PPP6R3: variants seen among roughly 807,000 people sequenced by gnomAD.
The protein encoded by PPP6R3 is protein phosphatase 6 regulatory subunit 3.
In PPP6R3, 38 loss-of-function variants were observed where a neutral mutation model predicts 110.7. That is an observed-to-expected ratio of 0.34 (90% CI 0.26 to 0.45). PPP6R3 has a LOEUF of 0.45. Ranked by LOEUF, PPP6R3 falls within the 20% of genes least tolerant of loss-of-function variation. PPP6R3 has a pLI of 1.00. For synonymous variants in PPP6R3, 369 were observed against 373.5 expected, an observed-to-expected ratio of 0.99 and a Z score of 0.14; for missense variants, 870 against 1,062.4, an observed-to-expected ratio of 0.82 and a Z score of 2.52.
At chr11:68,542,154 G>A (rs1366469027) in intron 3 of PPP6R3, among the ~76,000 whole-genome samples, 2 of 151,590 alleles carry the variant, frequency 1.3e-5, no homozygotes, top group African/African-American at 4.9e-5. Context: ...AGTGGGCGGG[G>A]GTGGGGGCAT....
In PPP6R3 at chr11:68,602,787, A is replaced by G. The variant is rs1228369110; in HGVS notation, c.2300-555A>G. 2.0e-5 allele frequency among the ~76,000 whole-genome samples: 3 copies of G among 152,190 alleles called. No individual in the cohort carries two copies. The East Asian group carries it at 5.8e-4, about 29-fold the overall frequency. ...TTTCCTGGATGAGGAAACTCAGGTT[A>G]TAGATGAGGTTCCTTGTCCAAGTAG... On this transcript the variant is annotated intron_variant, in intron 21 of 23. Coordinates refer to ENST00000393800, the MANE Select transcript of PPP6R3 (RefSeq NM_001164161.2).
At chr11:68,557,368 C>T (rs1055463334) in intron 7 of PPP6R3, among the ~76,000 whole-genome samples, 1 of 152,134 alleles carries the variant, frequency 6.6e-6, no homozygotes, top group Non-Finnish European at 1.5e-5. Flanking sequence ...TCCTGCCCTA[C>T]GTTGGCAAGA....
At chr11:68,590,903 T>C (rs1593736090) in intron 17 of PPP6R3, among the ~76,000 whole-genome samples, 189 bp downstream of exon 17, 1 of 152,148 alleles carries the variant, frequency 6.6e-6, no homozygotes, top group East Asian at 1.9e-4. Flanking sequence ...AGCCCTGGTT[T>C]ATGACTTGGT....
At chr11:68,583,178 GT>G (rs2099568157) in intron 15 of PPP6R3, 49 bp downstream of exon 15, 2 of 1,357,708 alleles carry the variant, frequency 1.5e-6, no homozygotes, top group Non-Finnish European at 2.0e-6. Context: ...TAAATGCTTA[GT>G]TTAGTTGCCT....
At chr11:68,568,133 A>G (rs796383943) in intron 10 of PPP6R3, among the ~76,000 whole-genome samples, 7 of 152,204 alleles carry the variant, frequency 4.6e-5, no homozygotes, top group African/African-American at 1.7e-4. Flanking sequence ...TTAAATCAGT[A>G]TAGAGCACAG....
chr11:68,472,738 A>G lies in PPP6R3; in HGVS notation c.-158+11911A>G, dbSNP rs368595034. 5.3e-5 allele frequency among the ~76,000 whole-genome samples: 8 copies of G among 152,288 alleles called. No individual in the cohort carries two copies. The East Asian group carries it at 1.2e-3, about 22-fold the overall frequency. ...CACAGAACTGTGCAGTTATCACCAC[A>G]ATCTAACTTTGTAACATTTTTGTCA... On this transcript the variant is annotated intron_variant, in intron 1 of 23. Coordinates refer to ENST00000393800, the MANE Select transcript of PPP6R3 (RefSeq NM_001164161.2).
At position 68,590,734 on chromosome 11, in the gene PPP6R3, T is replaced by A. The variant is rs749483708; in HGVS notation, c.1785+20T>A. On this transcript the variant is annotated intron_variant, in intron 17 of 23. Transcript: ENST00000393800. ...GAAAGTGTAAGTATAAACTCTGTTG[T>A]GAGCAGTGTGGCACATGAGAGGTTA... is the stretch of plus-strand genomic sequence containing the variant. 1.3e-6 allele frequency: 2 copies of A among 1,565,526 alleles called. No individual in the cohort carries two copies. Among genetic ancestry groups the A allele is most frequent in the African/African-American group, 2.7e-5 (2 of 74,464 alleles).
chr11:68,555,378 A>G (rs1435132849), intron 7 of PPP6R3, among the ~76,000 whole-genome samples: 1 of 152,252 alleles, frequency 6.6e-6, no homozygotes, highest in Non-Finnish European at 1.5e-5. Context: ...GGCTCACTAC[A>G]GTGCTGCCCA....
intron 19 of PPP6R3, among the ~76,000 whole-genome samples, chr11:68,598,423 C>T (rs920355470): frequency 6.6e-6 from 1 of 152,254 alleles, no homozygotes; most frequent in South Asian, 2.1e-4. Context: ...AGGCGAGCAC[C>T]CTGGATGAGG....
Position 68,613,224 on chromosome 11 carries a change from G to A in PPP6R3, c.*107G>A, listed in dbSNP as rs1944442613. On this transcript the variant is annotated 3_prime_UTR_variant, in exon 24 of 24. Transcript: ENST00000393800. ...AAGCTGTCACTGCTGCACTCACTCT[G>A]CAAGGGATCAGGACCAGCAACCTTT... 1.3e-6 allele frequency: 2 copies of A among 1,519,748 alleles called. No homozygotes were observed. Among genetic ancestry groups the A allele is most frequent in the African/African-American group, 1.4e-5 (1 of 71,828 alleles). The allele number at this position is 1,519,748 out of a possible 1,614,324, so 94.1% of individuals were successfully genotyped here. A position where few individuals can be genotyped will look rare whatever the true frequency, so the allele number is the denominator to read the frequency against.
chr11:68,541,941 G>C (rs1342946428), intron 3 of PPP6R3, among the ~76,000 whole-genome samples: 1 of 152,098 alleles, frequency 6.6e-6, no homozygotes, highest in Admixed American at 6.5e-5. Context: ...TGAAAGCCTG[G>C]AGGCAAGCAG....
At chr11:68,611,437 C>G (rs118143842) in intron 23 of PPP6R3, among the ~76,000 whole-genome samples, 8,606 of 152,290 alleles carry the variant, frequency 0.057, 257 homozygotes, top group Middle Eastern at 0.13. Flanking sequence ...CACTTGCTCT[C>G]CTCTGTGGCT....
At chr11:68,550,675 CCT>C (rs2099367351) in intron 5 of PPP6R3, among the ~76,000 whole-genome samples, 2 of 152,146 alleles carry the variant, frequency 1.3e-5, no homozygotes, top group Non-Finnish European at 2.9e-5. Flanking sequence ...ATTTGTTCAT[CCT>C]GTGTTTTTCT....
chr11:68,582,284 C>T (rs2099558960), intron 14 of PPP6R3, among the ~76,000 whole-genome samples: 1 of 152,240 alleles, frequency 6.6e-6, no homozygotes, highest in Admixed American at 6.5e-5. Context: ...ATAGCAATCA[C>T]TACTATTAGT....
In PPP6R3 at chr11:68,590,747, A is replaced by G. The variant is rs1395780727; in HGVS notation, c.1785+33A>G. 3.3e-6 allele frequency: 5 copies of G among 1,530,196 alleles called. 1 individual carries two copies. The South Asian group carries it at 5.1e-5, about 15-fold the overall frequency. The allele number at this position is 1,530,196 out of a possible 1,614,324, so 94.8% of individuals were successfully genotyped here. On this transcript the variant is annotated intron_variant, in intron 17 of 23. Coordinates refer to ENST00000393800, the MANE Select transcript of PPP6R3 (RefSeq NM_001164161.2). ...TAAACTCTGTTGTGAGCAGTGTGGC[A>G]CATGAGAGGTTAAAAATTGGGTGAG...
intron 3 of PPP6R3, among the ~76,000 whole-genome samples, chr11:68,544,200 C>T (rs953152437): frequency 3.3e-5 from 5 of 152,176 alleles, no homozygotes; most frequent in Non-Finnish European, 5.9e-5. Context: ...AAGTGATCCT[C>T]TAATCTCAGC....
chr11:68,476,561 T>C (rs1460006487), intron 1 of PPP6R3, among the ~76,000 whole-genome samples: 1 of 152,230 alleles, frequency 6.6e-6, no homozygotes, highest in Non-Finnish European at 1.5e-5. Flanking sequence ...TACATACATA[T>C]CTAAATAAAG....
Position 68,577,150 on chromosome 11 carries a change from C to T in PPP6R3, c.1545+1107C>T, listed in dbSNP as rs549448112. Among the ~76,000 whole-genome samples the T allele has an allele frequency of 2.0e-5, 3 of 152,234 alleles. 1 individual carries two copies. In the South Asian group the frequency reaches 6.2e-4, roughly 32 times the overall value. On this transcript the variant is annotated intron_variant, in intron 14 of 23. Transcript: ENST00000393800. ...ACCTAAGGCCTAATAGCCCGAGTGT[C>T]TCTGTGTACCACAGCCCAGCAGAGA...
chr11:68,613,347 A>G lies in PPP6R3; in HGVS notation c.*230A>G. The G allele has an allele frequency of 7.9e-7, 1 of 1,263,332 alleles. No homozygotes were observed. Among genetic ancestry groups the G allele is most frequent in the South Asian group, 2.5e-5 (1 of 39,492 alleles). 78.3% of individuals were successfully genotyped at this position (1,263,332 alleles called of 1,614,324 possible). On this transcript the variant is annotated 3_prime_UTR_variant, in exon 24 of 24. Transcript: ENST00000393800. ...GAATTTTTGCGTATGTTTATATTGT[A>G]TTGTTCTAAATAATGGGTAGCCTGT...
Sources: gnomAD v4.1 joint callset for allele counts (sites outside exome capture counted in the v4.1 genomes callset) on GRCh38, gnomAD v4.1.1 for gene constraint, MANE v1.5 for transcripts, NCBI Gene and HGNC (gene_info 2026-07-23, HGNC 2026-07-21) for gene names.